Variants in ERMARD observed in about 807,000 individuals in gnomAD.
ERMARD encodes ER membrane associated RNA degradation, also known as endoplasmic reticulum membrane-associated RNA degradation protein.
In ERMARD, 71 loss-of-function variants were observed where a neutral mutation model predicts 83.9. That is an observed-to-expected ratio of 0.85 (90% confidence interval 0.70 to 1.03). ERMARD has a LOEUF of 1.03. Among genes scored for constraint, ERMARD ranks in the 50% least tolerant of loss-of-function variants. The pLI is 0.00. For synonymous variants in ERMARD, 284 were observed against 298.6 expected (o/e 0.95, Z 0.50); for missense variants, 838 against 810.9 (o/e 1.03, Z -0.41).
In ERMARD at chr6:169,755,397, G is replaced by C. The variant is rs1790670341; in HGVS notation, c.290G>C (p.Trp97Ser). ...KGQFEIRYAP[W>S]FQWTSFPELF... ...CAATTTGAAATTCGATATGCACCGT[G>C]GTTCCAGTGGACAAGTTTTCCAGAG... The change falls in exon 3 of 18, where the codon TGG (tryptophan) becomes TCG (serine). Residue 97 changes from tryptophan (W) to serine (S), a missense_variant. Physicochemically the swap from Trp to Ser is radical, Grantham distance 177. Transcript: ENST00000366773. 1 of 1,613,950 alleles carries C rather than the reference G, an allele frequency of 6.2e-7. No homozygotes were observed. Among genetic ancestry groups the C allele is most frequent in the Non-Finnish European group, 8.5e-7 (1 of 1,180,016 alleles).
intron 16 of ERMARD, 27 bp from the exon 17 acceptor site, chr6:169,779,154 AT>A (rs1347722830): frequency 3.2e-6 from 5 of 1,582,194 alleles, no homozygotes; most frequent in Non-Finnish European, 3.5e-6. Flanking sequence ...ATATCCTCAC[AT>A]TTTAATTTAC....
chr6:169,780,179 C>T (rs1794046742), intron 17 of ERMARD, among the ~76,000 whole-genome samples: 1 of 152,220 alleles, frequency 6.6e-6, no homozygotes, highest in Non-Finnish European at 1.5e-5. Flanking sequence ...CCATGCTTGG[C>T]ACTGCTGGCA....
intron 1 of ERMARD, 21 bp downstream of exon 1, chr6:169,751,684 G>A (rs1333017574): frequency 3.9e-6 from 6 of 1,548,264 alleles, no homozygotes; most frequent in African/African-American, 2.7e-5. Context: ...TGTAGGGCCC[G>A]GTTCGATCCC....
At chr6:169,767,233 C>T (rs1048078504) in intron 10 of ERMARD, 8 of 152,370 alleles carry the variant, frequency 5.3e-5, no homozygotes, top group Admixed American at 5.2e-4. Flanking sequence ...ACTATTAGAT[C>T]CTAAGCGACT....
At chr6:169,770,914 G>A (rs967007274) in intron 12 of ERMARD, 1 of 150,972 alleles carries the variant, frequency 6.6e-6, no homozygotes, top group Non-Finnish European at 1.5e-5. Context: ...CATTAGCCTT[G>A]TTTGTGTACA....
chr6:169,776,305 C>G, intron 15 of ERMARD, 150 bp from the exon 16 acceptor site: 1 of 1,552,010 alleles, frequency 6.4e-7, no homozygotes, highest in South Asian at 1.2e-5. Context: ...TTAGTTAACA[C>G]TTGCCGCGTG....
Position 169,776,027 on chromosome 6 carries a change from TTG to T in ERMARD, c.1488_1489del (p.Leu497LysfsTer9). On this transcript the variant is annotated frameshift_variant, in exon 15 of 18. Coordinates refer to ENST00000366773, the MANE Select transcript of ERMARD (RefSeq NM_018341.3). LOFTEE classifies it high-confidence loss of function. ...ELYHHMPENR[C>X]VLKDLDRLPT... is the part of the protein sequence containing the mutation. Reference sequence around the variant, plus strand: ...TGTATCACCATATGCCTGAGAATCGTTGTGTGTTAAAGGACTTGGATCGTCTT... The same window carrying T: ...TGTATCACCATATGCCTGAGAATCGTTGTGTTAAAGGACTTGGATCGTCTT... 1 of 1,614,174 alleles carries T rather than the reference TTG, an allele frequency of 6.2e-7. No individual in the cohort carries two copies. Among genetic ancestry groups the T allele is most frequent in the Non-Finnish European group, 8.5e-7 (1 of 1,180,022 alleles).
chr6:169,759,055 A>G lies in ERMARD; in HGVS notation c.595A>G (p.Ile199Val), dbSNP rs1459303410. ...LWHGFASPEE[I>V]PPKYCSMMIL... is the part of the protein sequence containing the mutation. Reference sequence around the variant, plus strand: ...GCATGGGTTTGCGTCACCTGAAGAAATTCCTCCAAAGTAAGTTGCAAGTGA... The same window carrying G: ...GCATGGGTTTGCGTCACCTGAAGAAGTTCCTCCAAAGTAAGTTGCAAGTGA... Residue 199 changes from isoleucine to valine, a missense_variant, in exon 6 of 18, where the codon ATT becomes GTT. Coordinates refer to ENST00000366773, the MANE Select transcript of ERMARD (RefSeq NM_018341.3). 6 of 1,613,818 alleles carry G rather than the reference A, an allele frequency of 3.7e-6. No homozygotes were observed. The highest frequency in any genetic ancestry group is 5.1e-6 in the Non-Finnish European group (6 of 1,179,882).
chr6:169,768,119 T>A lies in ERMARD; in HGVS notation c.1007T>A (p.Leu336Ter). ...ATGTTTTAGATATTGGCAAAACACT[T>A]GAATGATGGTAAAATCAATCAGCTT... Reference protein sequence around the residue: ...TTFDQILAKHLNDGKINQLPL... With the variant: ...TTFDQILAKH The change falls in exon 11 of 18, where the codon TTG (leucine) becomes TAG (stop). Residue 336 changes from leucine to a stop codon, truncating the protein, a stop_gained. Coordinates refer to ENST00000366773, the MANE Select transcript of ERMARD (RefSeq NM_018341.3). LOFTEE classifies it high-confidence loss of function. The A allele has an allele frequency of 6.2e-7, 1 of 1,614,118 alleles. No homozygotes were observed. The highest frequency in any genetic ancestry group is 8.5e-7 in the Non-Finnish European group (1 of 1,179,954).
chr6:169,757,211 C>A (rs112499979), intron 5 of ERMARD, among the ~76,000 whole-genome samples: 1 of 152,124 alleles, frequency 6.6e-6, no homozygotes, highest in East Asian at 1.9e-4. Context: ...TGCAAAACAA[C>A]AATTCACATA....
Position 169,758,755 on chromosome 6 carries a change from G to C in ERMARD, c.508-213G>C, listed in dbSNP as rs924134657. Among the ~76,000 whole-genome samples the C allele has an allele frequency of 3.3e-5, 5 of 152,066 alleles. No individual in the cohort carries two copies. The East Asian group carries it at 7.7e-4, about 23-fold the overall frequency. ...GGATAATCATAGTACCTTCCTCATA[G>C]GTTGTTCTTAGGATGAATGAGTTGA... On this transcript the variant is annotated intron_variant, in intron 5 of 17. Coordinates refer to ENST00000366773, the MANE Select transcript of ERMARD (RefSeq NM_018341.3).
At chr6:169,775,786 T>G in intron 14 of ERMARD, 154 bp from the exon 15 acceptor site, 1 of 989,592 alleles carries the variant, frequency 1.0e-6, no homozygotes, top group Non-Finnish European at 1.4e-6. Context: ...GTTTCTCCAC[T>G]GTATTGTCAT....
rs144869462 is a variant in ERMARD, at chr6:169,779,172, C to T, written c.1740-10C>T. On this transcript the variant is annotated splice_polypyrimidine_tract_variant and intron_variant, in intron 16 of 17. Coordinates refer to ENST00000366773, the MANE Select transcript of ERMARD (RefSeq NM_018341.3). The stretch of plus-strand genomic sequence containing the variant: ...TCCTCACATTTTAATTTACTTTTAT[C>T]TGTTTTTAGTATCAGACTACTGTCC... The T allele has an allele frequency of 1.9e-6, 3 of 1,605,998 alleles. No individual in the cohort carries two copies. The highest frequency in any genetic ancestry group is 4.5e-5 in the East Asian group (2 of 44,840).
Position 169,759,912 on chromosome 6 carries a change from T to G in ERMARD, c.680T>G (p.Leu227Arg), listed in dbSNP as rs1311879045. ...AAGAGTTACCTTCAAAACACTAAACTTACATTGGCACATCGCTCTTTCATA... is the reference window on the plus strand; with the variant it reads ...AAGAGTTACCTTCAAAACACTAAACGTACATTGGCACATCGCTCTTTCATA... ...LLKSYLQNTK[L>R]TLAHRSFISL... The change falls in exon 7 of 18, where the codon CTT becomes CGT. Residue 227 changes from leucine to arginine, a missense_variant. Transcript: ENST00000366773. 1.2e-6 allele frequency: 2 copies of G among 1,614,232 alleles called. No individual in the cohort carries two copies. Among genetic ancestry groups the G allele is most frequent in the African/African-American group, 2.7e-5 (2 of 75,054 alleles).
chr6:169,757,096 A>G (rs577933690), intron 5 of ERMARD, among the ~76,000 whole-genome samples: 1 of 152,330 alleles, frequency 6.6e-6, no homozygotes, highest in Admixed American at 6.5e-5. Flanking sequence ...CCCATGATTC[A>G]GCTGTCTCCC....
chr6:169,766,281 A>T (rs1056787855), intron 9 of ERMARD, among the ~76,000 whole-genome samples: 1 of 152,270 alleles, frequency 6.6e-6, no homozygotes, highest in African/African-American at 2.4e-5. Flanking sequence ...TGGAGAAAAT[A>T]GGAAGCTGTG....
intron 6 of ERMARD, 52 bp from the exon 7 acceptor site, chr6:169,759,786 T>C (rs1368480585): frequency 1.3e-6 from 2 of 1,497,784 alleles, no homozygotes; most frequent in Non-Finnish European, 1.8e-6. Context: ...TGAAGCTTTT[T>C]ATAGGCATGA....
At chr6:169,774,878 G>A (rs968471844) in intron 13 of ERMARD, among the ~76,000 whole-genome samples, 2 of 152,170 alleles carry the variant, frequency 1.3e-5, no homozygotes, top group Non-Finnish European at 1.5e-5. Flanking sequence ...CCTCGAGTGC[G>A]GCCTGAACTG....
In ERMARD at chr6:169,776,348, C is replaced by T. The variant is rs185028676; in HGVS notation, c.1521-107C>T. On this transcript the variant is annotated intron_variant, in intron 15 of 17. Transcript: ENST00000366773. The stretch of plus-strand genomic sequence containing the variant: ...TGTCCCTGCAGACCAACCAGCGATA[C>T]GCCGCTAGCCCTGGCTCCCAGAAAG... The T allele has an allele frequency of 6.1e-4, 951 of 1,553,704 alleles. 1 individual carries two copies. The highest frequency in any genetic ancestry group is 1.3e-3 in the Admixed American group (64 of 51,152).
Sources: allele counts gnomAD v4.1 joint callset (sites outside exome capture counted in the v4.1 genomes callset), GRCh38; gene constraint gnomAD v4.1.1; transcripts MANE v1.5; gene names NCBI Gene and HGNC (gene_info 2026-07-23, HGNC 2026-07-21).